BAZ2B: variants seen among roughly 807,000 people sequenced by gnomAD.
BAZ2B encodes bromodomain adjacent to zinc finger domain 2B.
In BAZ2B, 91 loss-of-function variants were observed where a neutral mutation model predicts 246.0. That is an observed-to-expected ratio of 0.37 (90% CI 0.31 to 0.44). BAZ2B has a LOEUF of 0.44. Ranked by LOEUF, BAZ2B falls within the 20% of genes least tolerant of loss-of-function variation. BAZ2B has a pLI of 1.00. For synonymous variants in BAZ2B, 855 were observed against 860.0 expected, an observed-to-expected ratio of 0.99 and a Z score of 0.10; for missense variants, 2,332 against 2,533.7, an observed-to-expected ratio of 0.92 and a Z score of 1.71.
At chr2:159,707,192 A>G in the BAZ2B span, among the ~76,000 whole-genome samples, 1 of 152,176 alleles carries the variant, frequency 6.6e-6, no homozygotes, top group Non-Finnish European at 1.5e-5. Context: ...ATTATGTAAA[A>G]TAACAGGTAG....
the BAZ2B span, among the ~76,000 whole-genome samples, chr2:159,621,936 T>A: frequency 6.6e-6 from 1 of 151,886 alleles, no homozygotes; most frequent in Non-Finnish European, 1.5e-5. Flanking sequence ...GAAACCCCCA[T>A]CTCTACCAAA....
intron 2 of BAZ2B, among the ~76,000 whole-genome samples, chr2:159,539,840 C>A (rs571592545): frequency 1.3e-5 from 2 of 152,278 alleles, no homozygotes; most frequent in South Asian, 4.1e-4. Flanking sequence ...TACATTCCAG[C>A]CTCACTGGCA....
Position 159,432,671 on chromosome 2 carries a change from T to C in BAZ2B, c.1900+86A>G, listed in dbSNP as rs142150451. The stretch of plus-strand genomic sequence containing the variant: ...TGTGAAACATAGTAAATGACGCTGA[T>C]TTTAAGTCTGAATTAAGAAACCCTT... On this transcript the variant is annotated intron_variant, in intron 9 of 36. Coordinates refer to ENST00000392783, the MANE Select transcript of BAZ2B (RefSeq NM_013450.4). 92 of 1,497,496 alleles carry C rather than the reference T, an allele frequency of 6.1e-5. No individual in the cohort carries two copies. In the East Asian group the frequency reaches 1.4e-3, roughly 23 times the overall value. 92.8% of individuals were successfully genotyped at this position (1,497,496 alleles called of 1,614,324 possible).
chr2:159,540,765 A>G (rs13394491), intron 2 of BAZ2B, among the ~76,000 whole-genome samples: 4,683 of 152,268 alleles, frequency 0.031, 242 homozygotes, highest in African/African-American at 0.11. Context: ...TATCTGGTAT[A>G]TAAGTACCTT....
Position 159,429,210 on chromosome 2 carries a change from A to G in BAZ2B, c.2245T>C (p.Leu749=). The part of the protein sequence containing the change: ...VTDERELRIP[L]EYGWQRETRI... The stretch of plus-strand genomic sequence containing the variant: ...CCTTATTTTGCATACCCATATTCCA[A>G]TGGAATACGCAGTTCACGTTCATCT... The change falls in exon 11 of 37, where the codon TTG becomes CTG. Residue 749 remains leucine (L), a synonymous_variant. Coordinates refer to ENST00000392783, the MANE Select transcript of BAZ2B (RefSeq NM_013450.4). The G allele has an allele frequency of 6.4e-7, 1 of 1,550,908 alleles. No homozygotes were observed. Among genetic ancestry groups the G allele is most frequent in the Non-Finnish European group, 8.7e-7 (1 of 1,144,962 alleles).
At chr2:159,433,453 A>G (rs576613383) in intron 8 of BAZ2B, 90 bp from the exon 9 acceptor site, 7 of 1,157,652 alleles carry the variant, frequency 6.0e-6, no homozygotes, top group Non-Finnish European at 8.4e-6. Context: ...AACAAATTAT[A>G]GCTATTATAT....
intron 1 of BAZ2B, among the ~76,000 whole-genome samples, chr2:159,558,839 C>G (rs2089510720): frequency 6.6e-6 from 1 of 152,080 alleles, no homozygotes; most frequent in Admixed American, 6.6e-5. Flanking sequence ...ACATGTTGAA[C>G]AGTTTTAGAG....
downstream of BAZ2B, among the ~76,000 whole-genome samples, chr2:159,318,254 C>T (rs950847962): frequency 6.6e-6 from 1 of 152,210 alleles, no homozygotes; most frequent in Non-Finnish European, 1.5e-5. Context: ...GTGCTGCCTT[C>T]TTCCCTGCTC....
intron 2 of BAZ2B, among the ~76,000 whole-genome samples, chr2:159,555,080 G>A (rs967571624): frequency 1.4e-5 from 2 of 145,646 alleles, no homozygotes; most frequent in Non-Finnish European, 3.0e-5. Context: ...GTGTGTGTGT[G>A]TGTGTGTGTA....
the BAZ2B span, among the ~76,000 whole-genome samples, chr2:159,639,574 T>G: frequency 1.3e-5 from 2 of 152,170 alleles, no homozygotes; most frequent in African/African-American, 4.8e-5. Context: ...ATTAGTTTTC[T>G]CTCTCATATT....
chr2:159,662,563 A>T, the BAZ2B span, among the ~76,000 whole-genome samples: 1 of 151,942 alleles, frequency 6.6e-6, no homozygotes, highest in African/African-American at 2.4e-5. Context: ...GGCTTGCTGT[A>T]GCCCAGGCTG....
At chr2:159,662,544 T>C in the BAZ2B span, among the ~76,000 whole-genome samples, 27 of 152,256 alleles carry the variant, frequency 1.8e-4, no homozygotes, top group African/African-American at 6.3e-4. Context: ...GTTTTGTTTT[T>C]GAGATGAAGG....
chr2:159,439,676 A>T (rs2073023422), intron 6 of BAZ2B, among the ~76,000 whole-genome samples: 1 of 152,186 alleles, frequency 6.6e-6, no homozygotes, highest in Non-Finnish European at 1.5e-5. Flanking sequence ...CTTGCCTTCA[A>T]GAAACTTACT....
chr2:159,679,090 G>A, the BAZ2B span, among the ~76,000 whole-genome samples: 1 of 151,966 alleles, frequency 6.6e-6, no homozygotes, highest in Non-Finnish European at 1.5e-5. Flanking sequence ...GGCTAACACG[G>A]TGAAACCCAG....
chr2:159,325,767 T>A lies in BAZ2B; in HGVS notation c.6095A>T (p.Asp2032Val), dbSNP rs748901218. The A allele has an allele frequency of 1.1e-5, 17 of 1,603,666 alleles. No individual in the cohort carries two copies. Among genetic ancestry groups the A allele is most frequent in the Non-Finnish European group, 1.1e-5 (13 of 1,177,812 alleles). ...TSSSLKRGNK[D>V]LKKRKMEENT... ...TTCCTCCATTTTTCTTTTCTTGAGG[T>A]CTTTGTTTCCTCTTTTTAGTGAACT... The change falls in exon 35 of 37, where the codon GAC (aspartate) becomes GTC (valine). Residue 2032 changes from aspartate to valine, a missense_variant. This residue lies in a region of BAZ2B where 210 missense variants were observed against 232.5 expected (regional missense o/e 0.90). Transcript: ENST00000392783.
At position 159,439,201 on chromosome 2, in the gene BAZ2B, C is replaced by T. The variant is rs1471145018; in HGVS notation, c.708G>A (p.Lys236=). 7 of 1,613,016 alleles carry T rather than the reference C, an allele frequency of 4.3e-6. No homozygotes were observed. In the Middle Eastern group the frequency reaches 5.0e-4, roughly 114 times the overall value. The change falls in exon 7 of 37, where the codon AAG becomes AAA. Residue 236 remains lysine, a synonymous_variant. Coordinates refer to ENST00000392783, the MANE Select transcript of BAZ2B (RefSeq NM_013450.4). ...TGTTGCTAGAACTTTCCATTGCTTTCTTCCTTGGTTTCTGGATAACGACAA... is the reference window on the plus strand; with the variant it reads ...TGTTGCTAGAACTTTCCATTGCTTTTTTCCTTGGTTTCTGGATAACGACAA... ...VDKIKDKKPR[K]KAMESSSNSD...
chr2:159,542,908 C>A (rs2086829817), intron 2 of BAZ2B, among the ~76,000 whole-genome samples: 1 of 152,060 alleles, frequency 6.6e-6, no homozygotes, highest in Admixed American at 6.5e-5. Context: ...AGAAGTGCAG[C>A]ATAACAATAA....
the BAZ2B span, among the ~76,000 whole-genome samples, chr2:159,677,567 A>G: frequency 6.6e-6 from 1 of 152,166 alleles, no homozygotes; most frequent in African/African-American, 2.4e-5. Flanking sequence ...GCTACATTTT[A>G]TTTCTAATTT....
chr2:159,655,059 T>C, the BAZ2B span, among the ~76,000 whole-genome samples: 4 of 152,066 alleles, frequency 2.6e-5, no homozygotes, highest in Admixed American at 6.6e-5. Context: ...AATGATAACA[T>C]GAATTCAAAG....
Sources: allele counts gnomAD v4.1 joint callset (sites outside exome capture counted in the v4.1 genomes callset), GRCh38; gene constraint gnomAD v4.1.1; regional missense constraint gnomAD v4.1.1; transcripts MANE v1.5; gene names NCBI Gene and HGNC (gene_info 2026-07-23, HGNC 2026-07-21).